Variants in MCM9 observed in about 807,000 individuals in gnomAD.
MCM9 encodes minichromosome maintenance 9 homologous recombination repair factor.
A neutral mutation model predicts 72.8 loss-of-function variants in MCM9; 55 were observed. The ratio of observed to expected loss-of-function variants is 0.76; its 90% CI spans 0.61 to 0.95. The LOEUF (loss-of-function observed/expected upper bound fraction) is 0.95, where lower values mean the gene tolerates loss of function less well. MCM9 is among the 40% of genes least tolerant of loss of function. The probability of loss-of-function intolerance (pLI) is 0.00; values close to 1 mark genes in which losing one functional copy is unlikely to be tolerated. For synonymous variants in MCM9, 480 were observed against 503.4 expected, an observed-to-expected ratio of 0.95 and a Z score of 0.62; for missense variants, 1,279 against 1,377.0, an observed-to-expected ratio of 0.93 and a Z score of 1.13.
chr6:118,887,135 G>A (rs1002907535), intron 8 of MCM9, among the ~76,000 whole-genome samples: 1 of 152,082 alleles, frequency 6.6e-6, no homozygotes, highest in African/African-American at 2.4e-5. Context: ...AGAATTGATA[G>A]AGTGATCCTA....
chr6:118,822,623 TC>T (rs554432652), intron 13 of MCM9, among the ~76,000 whole-genome samples: 276 of 152,250 alleles, frequency 1.8e-3, no homozygotes, highest in Middle Eastern at 0.01. Context: ...AAGCAGTCTG[TC>T]CCTTAGCAGA....
At chr6:118,851,690 C>T (rs1776236582) in intron 9 of MCM9, among the ~76,000 whole-genome samples, 1 of 151,212 alleles carries the variant, frequency 6.6e-6, no homozygotes, top group Admixed American at 6.6e-5. Context: ...AAAGAAATTG[C>T]AAGGCTAAAA....
chr6:118,904,392 T>C (rs75993559), intron 8 of MCM9, among the ~76,000 whole-genome samples: 2,253 of 152,302 alleles, frequency 0.015, 34 homozygotes, highest in Middle Eastern at 0.048. Context: ...TTGGCTAAAG[T>C]GCTCATCTAG....
intron 8 of MCM9, among the ~76,000 whole-genome samples, chr6:118,859,857 C>T (rs1776794974): frequency 1.3e-5 from 2 of 152,190 alleles, no homozygotes; most frequent in South Asian, 4.1e-4. Flanking sequence ...CAATATCCAC[C>T]TCCAACCCCT....
Position 118,931,743 on chromosome 6 carries a change from AG to A in MCM9, c.-15-6del. 4 of 1,564,046 alleles carry A rather than the reference AG, an allele frequency of 2.6e-6. No homozygotes were observed. Among genetic ancestry groups the A allele is most frequent in the South Asian group, 2.4e-5 (2 of 83,712 alleles). On this transcript the variant is annotated splice_polypyrimidine_tract_variant and splice_region_variant and intron_variant, in intron 2 of 13. Coordinates refer to ENST00000619706, the MANE Select transcript of MCM9 (RefSeq NM_017696.3). ...ATTCATCTTGAATCTAGGTAACTAAAGAAAAAAAAAAGGATCATATTATATA... is the reference window on the plus strand; with the variant it reads ...ATTCATCTTGAATCTAGGTAACTAAAAAAAAAAAAAGGATCATATTATATA...
At chr6:118,910,526 G>A (rs2114576264) in intron 8 of MCM9, 1 of 709,394 alleles carries the variant, frequency 1.4e-6, no homozygotes, top group Non-Finnish European at 1.7e-6. Flanking sequence ...GAAATTACCA[G>A]TCATCCACTT....
At position 118,856,563 on chromosome 6, in the gene MCM9, C is replaced by T; in HGVS notation, c.1151-18G>A. On this transcript the variant is annotated intron_variant, in intron 8 of 13. Transcript: ENST00000619706. ...CGTCAGACCTGAGGAAACAAGCAAG[C>T]CATATCAACTTTTATTTTCAAAAGC... The T allele has an allele frequency of 6.5e-7, 1 of 1,534,564 alleles. No homozygotes were observed. The highest frequency in any genetic ancestry group is 8.7e-7 in the Non-Finnish European group (1 of 1,146,480).
intron 6 of MCM9, among the ~76,000 whole-genome samples, chr6:118,917,322 T>C (rs1228739500): frequency 1.3e-5 from 2 of 152,194 alleles, no homozygotes; most frequent in African/African-American, 4.8e-5. Context: ...TTTGGCAGTG[T>C]ATAAGGTGTT....
rs369306077 is a variant in MCM9 at position 118,894,712 on chromosome 6, G to A, written c.1150+16938C>T. 4.8e-4 allele frequency among the ~76,000 whole-genome samples: 73 copies of A among 152,352 alleles called. 1 individual carries two copies. The East Asian group carries it at 9.5e-3, about 20-fold the overall frequency. ...CGCGGCTTTCCGCCGCAGCCCAGGCGCCTGCCGGGCTCAACTTGCGAGGAA... is the reference window on the plus strand; with the variant it reads ...CGCGGCTTTCCGCCGCAGCCCAGGCACCTGCCGGGCTCAACTTGCGAGGAA... On this transcript the variant is annotated intron_variant, in intron 8 of 13. Transcript: ENST00000619706.
intron 13 of MCM9, among the ~76,000 whole-genome samples, chr6:118,824,217 C>G (rs889679193): frequency 5.3e-5 from 8 of 152,052 alleles, no homozygotes; most frequent in Admixed American, 6.6e-5. Context: ...TTCAAAATTA[C>G]TACTACCTAG....
At chr6:118,849,445 G>A (rs1453879459) in intron 9 of MCM9, among the ~76,000 whole-genome samples, 2 of 151,600 alleles carry the variant, frequency 1.3e-5, no homozygotes, top group African/African-American at 4.9e-5. Flanking sequence ...GTGTGTGTGT[G>A]TGTGTGTGTA....
chr6:118,901,746 T>G (rs1470448299), intron 8 of MCM9, among the ~76,000 whole-genome samples: 1 of 152,202 alleles, frequency 6.6e-6, no homozygotes, highest in Non-Finnish European at 1.5e-5. Flanking sequence ...TACTATTAAT[T>G]TCTGTTACAA....
In MCM9 at chr6:118,845,941, G is replaced by T. The variant is rs565851233; in HGVS notation, c.1325+10430C>A. Among the ~76,000 whole-genome samples, 246 of 151,720 alleles carry T rather than the reference G, an allele frequency of 1.6e-3. 2 individuals carry two copies. Among genetic ancestry groups the T allele is most frequent in the Non-Finnish European group, 3.1e-3 (211 of 68,002 alleles). On this transcript the variant is annotated intron_variant, in intron 9 of 13. Transcript: ENST00000619706. ...AACCTTCCAGCCATTGATTCTAAAG[G>T]ATATGAACAAATCTCATTCCATTTC... is the stretch of plus-strand genomic sequence containing the variant.
chr6:118,899,308 A>G (rs145747950), intron 8 of MCM9, among the ~76,000 whole-genome samples: 1,581 of 152,272 alleles, frequency 0.01, 30 homozygotes, highest in African/African-American at 0.036. Flanking sequence ...AGTCCTTATG[A>G]TGGCCTTCAA....
At position 118,814,936 on chromosome 6, in the gene MCM9, C is replaced by A. The variant is rs767467581; in HGVS notation, c.3320G>T (p.Arg1107Leu). 5.9e-6 allele frequency: 9 copies of A among 1,535,946 alleles called. No homozygotes were observed. The East Asian group carries it at 2.0e-4, about 34-fold the overall frequency. ...AACAATCAGTTTCTCGGTGGACCCA[C>A]GGAGCTGAAAAGATTTCCTTTTACT... ...RVSKRKSFQL[R>L]GSTEKLIVSK... is the part of the protein sequence containing the mutation. The change falls in exon 14 of 14, where the codon CGT (arginine) becomes CTT (leucine). Residue 1107 changes from arginine to leucine, a missense_variant. Transcript: ENST00000619706.
intron 9 of MCM9, among the ~76,000 whole-genome samples, chr6:118,854,268 G>C (rs1488339296): frequency 6.6e-6 from 1 of 152,172 alleles, no homozygotes; most frequent in Non-Finnish European, 1.5e-5. Context: ...CCAGAAATGA[G>C]AAGAGCTGAC....
chr6:118,880,222 C>T (rs1304507233), intron 8 of MCM9, among the ~76,000 whole-genome samples: 2 of 151,276 alleles, frequency 1.3e-5, no homozygotes, highest in Admixed American at 1.3e-4. Flanking sequence ...GAAAACTCTC[C>T]TATGGAAGAG....
rs60745084 is a variant in MCM9, at chr6:118,916,432, CATTATTATTATTATTATTATT to C, written c.904+1108_904+1128del. 7.0e-5 allele frequency among the ~76,000 whole-genome samples: 10 copies of C among 142,394 alleles called. 1 individual carries two copies. Among genetic ancestry groups the C allele is most frequent in the African/African-American group, 1.3e-4 (5 of 39,306 alleles). The allele number at this position is 142,394 out of a possible 152,430, so 93.4% of individuals were successfully genotyped here. ...CTATCCCTATTTAGGGAAATGGAAG[CATTATTATTATTATTATTATT>C]ATTATTATTATTATTATTATTATGA... On this transcript the variant is annotated intron_variant, in intron 6 of 13. Coordinates refer to ENST00000619706, the MANE Select transcript of MCM9 (RefSeq NM_017696.3).
chr6:118,882,573 A>G (rs2114397113), intron 8 of MCM9, among the ~76,000 whole-genome samples: 1 of 152,222 alleles, frequency 6.6e-6, no homozygotes, highest in East Asian at 1.9e-4. Context: ...ACTTATCCCC[A>G]GGGCATTGCC....
Sources: gnomAD v4.1 joint callset for allele counts (sites outside exome capture counted in the v4.1 genomes callset) on GRCh38, gnomAD v4.1.1 for gene constraint, MANE v1.5 for transcripts, NCBI Gene and HGNC (gene_info 2026-07-23, HGNC 2026-07-21) for gene names.